The following SPEF2 variants were observed in gnomAD, a reference collection of about 807,000 sequenced individuals.
The protein encoded by SPEF2 is sperm flagellar and cilia associated 2.
In SPEF2, 187 loss-of-function variants were observed where a neutral mutation model predicts 224.6. The observed-to-expected ratio is 0.83, with a 90% CI of 0.74 to 0.94. The LOEUF is 0.94. SPEF2 is among the 40% of genes least tolerant of loss of function. The pLI, the probability that SPEF2 is intolerant of heterozygous loss-of-function variation, is 0.00. For missense variants in SPEF2, 2,170 were observed against 2,135.6 expected, an observed-to-expected ratio of 1.02 and a Z score of -0.32; for synonymous variants, 715 against 707.3, an observed-to-expected ratio of 1.01 and a Z score of -0.17.
intron 21 of SPEF2, among the ~76,000 whole-genome samples, chr5:35,728,622 A>G (rs1258927593): frequency 6.6e-6 from 1 of 152,176 alleles, no homozygotes; most frequent in East Asian, 1.9e-4. Flanking sequence ...TCCTAGGGAT[A>G]TGTCTTCTCT....
intron 24 of SPEF2, among the ~76,000 whole-genome samples, chr5:35,755,767 G>A (rs758660250): frequency 4.0e-5 from 6 of 151,880 alleles, no homozygotes; most frequent in African/African-American, 9.7e-5. Context: ...CCACCACCAC[G>A]CCTGGCTAAT....
At position 35,771,591 on chromosome 5, in the gene SPEF2, T is replaced by G; in HGVS notation, c.3802-18T>G. The G allele has an allele frequency of 1.3e-6, 2 of 1,584,146 alleles. No individual in the cohort carries two copies. The highest frequency in any genetic ancestry group is 1.7e-6 in the Non-Finnish European group (2 of 1,172,488). On this transcript the variant is annotated intron_variant, in intron 26 of 36. Coordinates refer to ENST00000356031, the MANE Select transcript of SPEF2 (RefSeq NM_024867.4). Reference sequence around the variant, plus strand: ...TGTAAATGAGACATTAACTGAAATATTGCTGTTACGCAACCAGGTGGCTGC... The same window carrying G: ...TGTAAATGAGACATTAACTGAAATAGTGCTGTTACGCAACCAGGTGGCTGC...
chr5:35,694,293 A>G lies in SPEF2; in HGVS notation c.1905A>G (p.Pro635=). 6.2e-7 allele frequency: 1 copy of G among 1,613,524 alleles called. No homozygotes were observed. Among genetic ancestry groups the G allele is most frequent in the Non-Finnish European group, 8.5e-7 (1 of 1,179,668 alleles). Residue 635 remains proline (P), a synonymous_variant, in exon 13 of 37, where the codon CCA becomes CCG. Coordinates refer to ENST00000356031, the MANE Select transcript of SPEF2 (RefSeq NM_024867.4). ...TGTGTGTTTTCTCTCCAAAGGATCC[A>G]CAACATGTATTTTCAGCTGGTCCAG... ...LQEEIKESQD[P]QHVFSAGPVS...
chr5:35,704,624 G>A lies in SPEF2; in HGVS notation c.2469G>A (p.Lys823=), dbSNP rs778970768. 12 of 1,612,544 alleles carry A rather than the reference G, an allele frequency of 7.4e-6. No homozygotes were observed. The highest frequency in any genetic ancestry group is 2.7e-5 in the African/African-American group (2 of 74,814). The change falls in exon 17 of 37, where the codon AAG becomes AAA. Residue 823 remains lysine, a synonymous_variant. Transcript: ENST00000356031. ...GTGTAGCTGCTGAAAACCAAGATAA[G>A]GATGGAGACCAAAATTTAAGAGACC... ...SQRVAAENQD[K]DGDQNLRDQI...
intron 25 of SPEF2, among the ~76,000 whole-genome samples, chr5:35,760,791 C>T (rs1262820435): frequency 6.6e-6 from 1 of 151,962 alleles, no homozygotes; most frequent in East Asian, 1.9e-4. Flanking sequence ...GGTGGTGATT[C>T]CTGTGGCATG....
At chr5:35,785,728 CTTT>C (rs200122881) in intron 30 of SPEF2, among the ~76,000 whole-genome samples, 1 of 141,504 alleles carries the variant, frequency 7.1e-6, no homozygotes, top group Non-Finnish European at 1.6e-5. Context: ...CTTCTCTTTT[CTTT>C]TTTTTTTTTG....
At chr5:35,705,952 T>C (rs1484755682) in intron 18 of SPEF2, 144 bp downstream of exon 18, 4 of 463,994 alleles carry the variant, frequency 8.6e-6, no homozygotes, top group African/African-American at 6.2e-5. Context: ...TGCCTCTGGC[T>C]TTAGCTTTCT....
intron 23 of SPEF2, among the ~76,000 whole-genome samples, chr5:35,741,426 T>C (rs1232421626): frequency 1.3e-5 from 2 of 152,178 alleles, no homozygotes; most frequent in Non-Finnish European, 2.9e-5. Context: ...CTTGGTGTGT[T>C]TGAAGAACAG....
At chr5:35,702,709 C>T (rs952369655) in intron 16 of SPEF2, among the ~76,000 whole-genome samples, 1 of 152,124 alleles carries the variant, frequency 6.6e-6, no homozygotes, top group African/African-American at 2.4e-5. Flanking sequence ...AAATCCAGAA[C>T]CTGGAGTCAC....
Position 35,671,820 on chromosome 5 carries a change from C to T in SPEF2, c.1524+1593C>T, listed in dbSNP as rs1283855304. On this transcript the variant is annotated intron_variant, in intron 10 of 36. Transcript: ENST00000356031. ...TAAACTTTTGTTAGGAGTTTGTGAG[C>T]GTCTAGCAATGTACTTTATTTTGTG... 3.3e-5 allele frequency among the ~76,000 whole-genome samples: 5 copies of T among 151,524 alleles called. No individual in the cohort carries two copies. In the East Asian group the frequency reaches 5.8e-4, roughly 18 times the overall value.
At chr5:35,757,736 AAG>A (rs1427798956) in intron 24 of SPEF2, among the ~76,000 whole-genome samples, 1 of 152,208 alleles carries the variant, frequency 6.6e-6, no homozygotes, top group Non-Finnish European at 1.5e-5. Flanking sequence ...TTTGCAAGGA[AAG>A]AGAAAAAGGT....
intron 2 of SPEF2, chr5:35,632,956 T>G (rs1308482913): frequency 2.0e-5 from 3 of 152,212 alleles, no homozygotes; most frequent in Non-Finnish European, 2.9e-5. Context: ...TGAAATTTTT[T>G]TTGGTGGGAA....
At chr5:35,708,605 A>AC (rs1740353267) in intron 18 of SPEF2, among the ~76,000 whole-genome samples, 1 of 83,606 alleles carries the variant, frequency 1.2e-5, no homozygotes, top group Non-Finnish European at 2.5e-5. Flanking sequence ...CCCACCACAG[A>AC]CTTCACCACC....
intron 1 of SPEF2, among the ~76,000 whole-genome samples, chr5:35,623,600 C>A (rs537864982): frequency 2.0e-5 from 3 of 152,112 alleles, no homozygotes; most frequent in Admixed American, 6.6e-5. Context: ...AAATATTTTG[C>A]TGTAGAAATA....
intron 10 of SPEF2, among the ~76,000 whole-genome samples, chr5:35,685,664 T>C (rs1352503767): frequency 6.6e-6 from 1 of 152,088 alleles, no homozygotes; most frequent in Non-Finnish European, 1.5e-5. Flanking sequence ...GCCAAAAATG[T>C]GACTTGCTCA....
At chr5:35,677,316 G>T (rs1270817142) in intron 10 of SPEF2, among the ~76,000 whole-genome samples, 1 of 152,126 alleles carries the variant, frequency 6.6e-6, no homozygotes, top group Non-Finnish European at 1.5e-5. Flanking sequence ...CCTGAGGTAG[G>T]CTACCACCTC....
intron 23 of SPEF2, among the ~76,000 whole-genome samples, chr5:35,750,841 T>C (rs1749291521): frequency 6.6e-6 from 1 of 151,194 alleles, no homozygotes; most frequent in Non-Finnish European, 1.5e-5. Context: ...AATCCTATTA[T>C]TGGGTATCTA....
chr5:35,700,335 T>C (rs1264715431), intron 15 of SPEF2, 161 bp from the exon 16 acceptor site: 1 of 662,968 alleles, frequency 1.5e-6, no homozygotes, highest in Non-Finnish European at 2.5e-6. Context: ...AAGGGAGTGA[T>C]TGTGGCACAT....
rs191927434 is a variant in SPEF2 at position 35,793,531 on chromosome 5, G to A, written c.4737+190G>A. 7.1e-3 allele frequency among the ~76,000 whole-genome samples: 1,080 copies of A among 152,278 alleles called. 4 individuals are homozygous for A. The highest frequency in any genetic ancestry group is 0.015 in the South Asian group (74 of 4,822). On this transcript the variant is annotated intron_variant, in intron 32 of 36. Transcript: ENST00000356031. ...CAGAAGCCTGGCTTCCATCCCCAGG[G>A]AAAAGATCTGAAAAAGTCAGAACTT... is the stretch of plus-strand genomic sequence containing the variant.
Sources: allele counts gnomAD v4.1 joint callset (sites outside exome capture counted in the v4.1 genomes callset), GRCh38; gene constraint gnomAD v4.1.1; transcripts MANE v1.5; gene names NCBI Gene and HGNC (gene_info 2026-07-23, HGNC 2026-07-21).